The following WWP1 variants were observed in gnomAD, a reference collection of about 807,000 sequenced individuals.
The protein encoded by WWP1 is WW domain containing E3 ubiquitin protein ligase 1, also known as NEDD4-like E3 ubiquitin-protein ligase WWP1.
A neutral mutation model predicts 130.6 loss-of-function variants in WWP1; 49 were observed. The ratio of observed to expected loss-of-function variants is 0.38; its 90% confidence interval spans 0.30 to 0.48. The LOEUF is 0.48. WWP1 is among the 20% of genes least tolerant of loss of function. WWP1 has a pLI of 0.99. For synonymous variants in WWP1, 332 were observed against 367.8 expected, an observed-to-expected ratio of 0.90 and a Z score of 1.11; for missense variants, 809 against 1,100.6, an observed-to-expected ratio of 0.74 and a Z score of 3.75.
intron 5 of WWP1, among the ~76,000 whole-genome samples, chr8:86,385,480 C>A (rs1312005984): frequency 5.3e-5 from 8 of 152,032 alleles, no homozygotes; most frequent in African/African-American, 1.9e-4. Context: ...AGTATGATTT[C>A]TGGCAAGACA....
intron 9 of WWP1, among the ~76,000 whole-genome samples, chr8:86,412,934 G>A (rs1586391936): frequency 6.6e-6 from 1 of 151,810 alleles, no homozygotes. Context: ...GTTCAAGTGA[G>A]TCTGCTGCCT....
At chr8:86,360,078 A>AT (rs1554553363) in intron 1 of WWP1, among the ~76,000 whole-genome samples, 1 of 151,152 alleles carries the variant, frequency 6.6e-6, no homozygotes, top group Non-Finnish European at 1.5e-5. Context: ...CAAAAAAAAA[A>AT]CACAATCCTC....
chr8:86,400,332 CG>C lies in WWP1; in HGVS notation c.540-1681del, dbSNP rs527387089. Among the ~76,000 whole-genome samples the C allele has an allele frequency of 5.2e-4, 79 of 151,090 alleles. 1 individual carries two copies. The highest frequency in any genetic ancestry group is 5.0e-3 in the Admixed American group (76 of 15,160). On this transcript the variant is annotated intron_variant, in intron 7 of 24. Transcript: ENST00000517970. ...TGGGCGACAGAGCAAGACTTCGTCT[CG>C]GGGGGAAAAAAATAAATAAATAAAG...
intron 5 of WWP1, among the ~76,000 whole-genome samples, chr8:86,384,584 A>G (rs1825174361): frequency 6.6e-6 from 1 of 152,214 alleles, no homozygotes; most frequent in African/African-American, 2.4e-5. Flanking sequence ...TTTATAAATG[A>G]TAGCATTCTT....
At chr8:86,372,045 A>T (rs1267101776) in intron 2 of WWP1, among the ~76,000 whole-genome samples, 9 of 80,672 alleles carry the variant, frequency 1.1e-4, no homozygotes, top group East Asian at 3.0e-4. Flanking sequence ...TTTTTTTGAG[A>T]CGGAGTTTCG....
At chr8:86,409,826 C>T (rs952564337) in intron 8 of WWP1, among the ~76,000 whole-genome samples, 16 of 151,948 alleles carry the variant, frequency 1.1e-4, no homozygotes, top group African/African-American at 3.6e-4. Context: ...TGCCACTGCA[C>T]TCCAGTCTGG....
At chr8:86,465,556 C>G (rs1338740913) in intron 24 of WWP1, among the ~76,000 whole-genome samples, 2 of 152,100 alleles carry the variant, frequency 1.3e-5, no homozygotes, top group Admixed American at 1.3e-4. Flanking sequence ...TTGCTTCAGC[C>G]TGGGAGGTCG....
At chr8:86,442,859 T>G in intron 18 of WWP1, 81 bp downstream of exon 18, 1 of 1,294,552 alleles carries the variant, frequency 7.7e-7, no homozygotes, top group Non-Finnish European at 1.1e-6. Flanking sequence ...AAAAAAAGGA[T>G]AAGCATTATA....
rs547882511 is a variant in WWP1, at chr8:86,425,241, T to A, written c.1080T>A (p.Asp360Glu). Residue 360 changes from aspartate to glutamate, a missense_variant, in exon 10 of 25, where the codon GAT becomes GAA. Asp to Glu is a conservative substitution (Grantham distance 45). Around this residue, in one of 3 missense-constraint regions of WWP1, gnomAD observed 97 missense variants for 80.4 expected, o/e 1.21. Transcript: ENST00000517970. ...ATTAAAGGTGGGAACAAAGAAAAGA[T>A]CCTCATGGTAGAACCTATTATGTGG... ...TLPSGWEQRK[D>E]PHGRTYYVDH... The A allele has an allele frequency of 6.2e-7, 1 of 1,611,164 alleles. No individual in the cohort carries two copies. Among genetic ancestry groups the A allele is most frequent in the East Asian group, 2.2e-5 (1 of 44,732 alleles).
At chr8:86,462,944 C>T (rs563963338) in intron 24 of WWP1, among the ~76,000 whole-genome samples, 36 of 151,422 alleles carry the variant, frequency 2.4e-4, no homozygotes, top group African/African-American at 8.7e-4. Context: ...AAATTACTAA[C>T]TTTATTAAAT....
intron 20 of WWP1, among the ~76,000 whole-genome samples, chr8:86,450,480 AC>A (rs1811120468): frequency 6.6e-6 from 1 of 152,256 alleles, no homozygotes; most frequent in Non-Finnish European, 1.5e-5. Flanking sequence ...AAAAATAAGT[AC>A]CACAATCTAA....
chr8:86,374,660 A>G (rs1362552872), intron 3 of WWP1, among the ~76,000 whole-genome samples: 1 of 152,178 alleles, frequency 6.6e-6, no homozygotes, highest in African/African-American at 2.4e-5. Flanking sequence ...TATAAGTACC[A>G]TTTTCTACTA....
chr8:86,431,504 G>T lies in WWP1; in HGVS notation c.1472+14G>T, dbSNP rs1290381224. 2 of 1,612,022 alleles carry T rather than the reference G, an allele frequency of 1.2e-6. No homozygotes were observed. Among genetic ancestry groups the T allele is most frequent in the African/African-American group, 2.7e-5 (2 of 74,900 alleles). ...AAGAACTCAAGGGTATGTATATACA[G>T]CAGCCTTAAGTCGTCTTGCATATAT... On this transcript the variant is annotated intron_variant, in intron 13 of 24. Coordinates refer to ENST00000517970, the MANE Select transcript of WWP1 (RefSeq NM_007013.4).
intron 22 of WWP1, among the ~76,000 whole-genome samples, chr8:86,460,561 C>G (rs1811704067): frequency 6.6e-6 from 1 of 152,104 alleles, no homozygotes; most frequent in African/African-American, 2.4e-5. Flanking sequence ...TATATTACAA[C>G]CCAACAACAA....
At chr8:86,430,798 CATAT>C (rs36226595) in intron 12 of WWP1, 47 bp downstream of exon 12, 44,666 of 183,402 alleles carry the variant, frequency 0.24, 2,413 homozygotes, top group Non-Finnish European at 0.29. Flanking sequence ...TATATCTCTC[CATAT>C]ATATATATAT....
chr8:86,434,099 C>T (rs1810150266), intron 14 of WWP1, among the ~76,000 whole-genome samples: 1 of 152,170 alleles, frequency 6.6e-6, no homozygotes, highest in Non-Finnish European at 1.5e-5. Flanking sequence ...GGCTTGGTAG[C>T]AGAGTCCTCT....
chr8:86,461,683 T>C (rs1811774075), intron 23 of WWP1, 91 bp from the exon 24 acceptor site: 2 of 1,001,284 alleles, frequency 2.0e-6, no homozygotes, highest in Non-Finnish European at 3.1e-6. Context: ...ATCATTCATA[T>C]GACTGTGCAA....
intron 1 of WWP1, among the ~76,000 whole-genome samples, chr8:86,344,425 C>T (rs753125568): frequency 6.6e-6 from 1 of 152,138 alleles, no homozygotes; most frequent in Non-Finnish European, 1.5e-5. Context: ...CTGAAATTTC[C>T]TTTACTTCCT....
chr8:86,375,952 T>C (rs916511902), intron 3 of WWP1, among the ~76,000 whole-genome samples: 4 of 152,260 alleles, frequency 2.6e-5, no homozygotes, highest in Admixed American at 1.3e-4. Context: ...GGATTGTTCA[T>C]AATTAGACAC....
Sources: gnomAD v4.1 joint callset for allele counts (sites outside exome capture counted in the v4.1 genomes callset) on GRCh38, gnomAD v4.1.1 for gene constraint, gnomAD v4.1.1 regional missense constraint, MANE v1.5 for transcripts, NCBI Gene and HGNC (gene_info 2026-07-23, HGNC 2026-07-21) for gene names.